KRT23: variants seen among roughly 807,000 people sequenced by gnomAD.
The protein encoded by KRT23 is keratin, type I cytoskeletal 23.
A neutral mutation model predicts 47.6 loss-of-function variants in KRT23; 38 were observed. The ratio of observed to expected loss-of-function variants is 0.80; its 90% CI spans 0.62 to 1.05. KRT23 has a LOEUF of 1.05. Among genes scored for constraint, KRT23 ranks in the 50% least tolerant of loss-of-function variants. KRT23 has a pLI of 0.00. For synonymous variants in KRT23, 191 were observed against 199.0 expected, an observed-to-expected ratio of 0.96 and a Z score of 0.34; for missense variants, 503 against 529.5, an observed-to-expected ratio of 0.95 and a Z score of 0.49.
At chr17:40,924,297 T>A (rs369231261) in intron 8 of KRT23, among the ~76,000 whole-genome samples, 175 bp downstream of exon 8, 2 of 152,182 alleles carry the variant, frequency 1.3e-5, no homozygotes, top group African/African-American at 4.8e-5. Context: ...TTGAGGACAA[T>A]AATGAGAGCT....
chr17:40,923,564 C>T (rs193268237), intron 8 of KRT23, among the ~76,000 whole-genome samples: 2 of 152,300 alleles, frequency 1.3e-5, no homozygotes, highest in African/African-American at 4.8e-5. Flanking sequence ...CCTGTTGAAA[C>T]ATCAATAAAG....
At position 40,936,484 on chromosome 17, in the gene KRT23, T is replaced by C; in HGVS notation, c.120A>G (p.Gly40=). The C allele has an allele frequency of 1.3e-6, 2 of 1,567,682 alleles. No homozygotes were observed. Among genetic ancestry groups the C allele is most frequent in the South Asian group, 1.2e-5 (1 of 83,266 alleles). ...RAPTVHGGAG[G]ARISLSFTTR... ...TGGTGAAGGACAGGGAGATGCGGGC[T>C]CCCCCCGCACCGCCATGGACGGTGG... The change falls in exon 2 of 9, where the codon GGA becomes GGG. Residue 40 remains glycine (G), a synonymous_variant. Transcript: ENST00000209718.
chr17:40,928,618 A>T lies in KRT23; in HGVS notation c.637-11T>A. 2 of 1,608,890 alleles carry T rather than the reference A, an allele frequency of 1.2e-6. No homozygotes were observed. Among genetic ancestry groups the T allele is most frequent in the Non-Finnish European group, 1.7e-6 (2 of 1,178,682 alleles). Reference sequence around the variant, plus strand: ...ATGCTTCTCCATTTCCTATTTAATAACAGAGAAAGGAAATGAACCGGCTTT... The same window carrying T: ...ATGCTTCTCCATTTCCTATTTAATATCAGAGAAAGGAAATGAACCGGCTTT... On this transcript the variant is annotated splice_polypyrimidine_tract_variant and intron_variant, in intron 4 of 8. Coordinates refer to ENST00000209718, the MANE Select transcript of KRT23 (RefSeq NM_015515.5).
chr17:40,936,472 G>C lies in KRT23; in HGVS notation c.132C>G (p.Ser44=), dbSNP rs1337171095. ...GGCAGCTCCGCGTGGTGAAGGACAGGGAGATGCGGGCTCCCCCCGCACCGC... is the reference window on the plus strand; with the variant it reads ...GGCAGCTCCGCGTGGTGAAGGACAGCGAGATGCGGGCTCCCCCCGCACCGC... The part of the protein sequence containing the change: ...VHGGAGGARI[S]LSFTTRSCPP... The change falls in exon 2 of 9, where the codon TCC becomes TCG. Residue 44 remains serine (S), a synonymous_variant. Transcript: ENST00000209718. The C allele has an allele frequency of 6.3e-7, 1 of 1,581,976 alleles. No individual in the cohort carries two copies. The highest frequency in any genetic ancestry group is 8.6e-7 in the Non-Finnish European group (1 of 1,163,160).
At chr17:40,928,000 T>C (rs1909336582) in intron 6 of KRT23, among the ~76,000 whole-genome samples, 1 of 152,188 alleles carries the variant, frequency 6.6e-6, no homozygotes, top group Non-Finnish European at 1.5e-5. Flanking sequence ...CTGGGAAGGT[T>C]ACTGTAAGGA....
intron 2 of KRT23, 24 bp downstream of exon 2, chr17:40,936,184 C>G (rs781020712): frequency 1.1e-5 from 17 of 1,613,464 alleles, no homozygotes; most frequent in African/African-American, 1.3e-5. Context: ...CCATCTGGAT[C>G]TCCAGGGTCA....
rs1402906191 is a variant in KRT23, at chr17:40,936,325, C to T, written c.279G>A (p.Leu93=). 7 of 1,614,232 alleles carry T rather than the reference C, an allele frequency of 4.3e-6. No individual in the cohort carries two copies. The highest frequency in any genetic ancestry group is 5.9e-6 in the Non-Finnish European group (7 of 1,180,040). The change falls in exon 2 of 9, where the codon CTG becomes CTA. Residue 93 remains leucine (L), a synonymous_variant. Transcript: ENST00000209718. ...TTTCCAGCTTCATGTTGGCCTCCTC[C>T]AGGGCGCGAACCTTCTCCAGGTAGG... ...LASYLEKVRA[L]EEANMKLESR... is the part of the protein sequence containing the mutation.
At position 40,936,220 on chromosome 17, in the gene KRT23, G is replaced by T. The variant is rs747320370; in HGVS notation, c.384C>A (p.His128Gln). The T allele has an allele frequency of 4.3e-6, 7 of 1,614,028 alleles. No individual in the cohort carries two copies. Among genetic ancestry groups the T allele is most frequent in the South Asian group, 1.1e-5 (1 of 91,082 alleles). Residue 128 changes from histidine to glutamine, a missense_variant, in exon 2 of 9, where the codon CAC becomes CAA. Physicochemically the swap from His to Gln is conservative, Grantham distance 24. Transcript: ENST00000209718. ...CCCAGCATCTTACCTGCTCCTGCAGGTGTGTGATGTTTTCCTCATACTGGG... is the reference window on the plus strand; with the variant it reads ...CCCAGCATCTTACCTGCTCCTGCAGTTGTGTGATGTTTTCCTCATACTGGG... ...DYSQYEENIT[H>Q]LQEQIVDGKM...
At chr17:40,933,601 C>T (rs1465702260) in intron 2 of KRT23, among the ~76,000 whole-genome samples, 2 of 152,180 alleles carry the variant, frequency 1.3e-5, no homozygotes, top group Non-Finnish European at 2.9e-5. Context: ...GTAATTTATC[C>T]ATTGCAAAGT....
chr17:40,931,253 G>T, intron 3 of KRT23, 120 bp downstream of exon 3: 1 of 673,754 alleles, frequency 1.5e-6, no homozygotes, highest in Non-Finnish European at 2.7e-6. Context: ...CTCGTGATCC[G>T]CCCGCCTTGG....
rs559580480 is a variant in KRT23 at position 40,925,297 on chromosome 17, T to TTTGGG, written c.1142+56_1142+57insCCCAA. On this transcript the variant is annotated intron_variant, in intron 7 of 8. Coordinates refer to ENST00000209718, the MANE Select transcript of KRT23 (RefSeq NM_015515.5). ...AACAGAACCCAAAGATGCACACATA[T>TTTGGG]ACCCACAGGAGCTGGAGGTCCCTCG... 1.2e-3 allele frequency: 1,672 copies of TTTGGG among 1,449,406 alleles called. 16 individuals are homozygous for TTTGGG. The African/African-American group carries it at 0.021, about 18-fold the overall frequency. The allele number at this position is 1,449,406 out of a possible 1,614,324, so 89.8% of individuals were successfully genotyped here.
At position 40,925,383 on chromosome 17, in the gene KRT23, G is replaced by T. The variant is rs1303882737; in HGVS notation, c.1113C>A (p.Tyr371Ter). 6.2e-7 allele frequency: 1 copy of T among 1,613,728 alleles called. No individual in the cohort carries two copies. The highest frequency in any genetic ancestry group is 1.1e-5 in the South Asian group (1 of 91,058). The change falls in exon 7 of 9, where the codon TAC becomes TAA. Residue 371 changes from tyrosine to a stop codon, truncating the protein, a stop_gained. Coordinates refer to ENST00000209718, the MANE Select transcript of KRT23 (RefSeq NM_015515.5). LOFTEE classifies it high-confidence loss of function. The part of the protein sequence containing the change: ...KTHLEKEITT[Y>*]RRLLEGESEG... ...CACTCTCTCCCTCCAGGAGCCGTCG[G>T]TACGTGGTGATTTCCTTCTCCAGGT...
intron 6 of KRT23, 25 bp downstream of exon 6, chr17:40,928,213 C>T (rs1484628394): frequency 1.2e-6 from 2 of 1,613,464 alleles, no homozygotes; most frequent in Admixed American, 1.7e-5. Context: ...GTGTGGGATT[C>T]ACGGTTTTCC....
At chr17:40,936,095 T>G (rs1910043057) in intron 2 of KRT23, 113 bp downstream of exon 2, 1 of 1,155,470 alleles carries the variant, frequency 8.7e-7, no homozygotes, top group African/African-American at 1.5e-5. Context: ...GCACAATTAC[T>G]TCAAGCGCTG....
chr17:40,929,191 T>G (rs1909463897), intron 4 of KRT23, among the ~76,000 whole-genome samples: 1 of 150,890 alleles, frequency 6.6e-6, no homozygotes, highest in African/African-American at 2.4e-5. Context: ...GACAACATAG[T>G]TAAGCAGCTG....
chr17:40,936,175 C>A (rs756857881), intron 2 of KRT23, 33 bp downstream of exon 2: 1 of 1,612,946 alleles, frequency 6.2e-7, no homozygotes, highest in Non-Finnish European at 8.5e-7. Flanking sequence ...AAAGCAGCCC[C>A]ATCTGGATCT....
chr17:40,923,660 C>A (rs921753146), intron 8 of KRT23, among the ~76,000 whole-genome samples: 2 of 152,202 alleles, frequency 1.3e-5, no homozygotes, highest in African/African-American at 4.8e-5. Context: ...CCATTGGGAC[C>A]ATCCCATCAA....
intron 8 of KRT23, 47 bp downstream of exon 8, chr17:40,924,425 C>T: frequency 6.7e-7 from 1 of 1,497,130 alleles, no homozygotes; most frequent in South Asian, 1.1e-5. Flanking sequence ...GATAACCATG[C>T]TAATTCCTTA....
intron 6 of KRT23, among the ~76,000 whole-genome samples, chr17:40,926,005 G>C (rs1909200809): frequency 6.6e-6 from 1 of 152,010 alleles, no homozygotes; most frequent in Non-Finnish European, 1.5e-5. Context: ...CTCCAGTATT[G>C]CATGGGACAT....
Sources: allele counts gnomAD v4.1 joint callset (sites outside exome capture counted in the v4.1 genomes callset), GRCh38; gene constraint gnomAD v4.1.1; transcripts MANE v1.5; gene names NCBI Gene and HGNC (gene_info 2026-07-23, HGNC 2026-07-21).